The following FGD3 variants were observed in gnomAD, a reference collection of about 807,000 sequenced individuals.
FGD3 encodes FYVE, RhoGEF and PH domain containing 3.
FGD3 carries 45 observed loss-of-function variants against 71.8 expected under a neutral mutation model. That is an observed-to-expected ratio of 0.63 (90% CI 0.49 to 0.80). FGD3 has a LOEUF of 0.80. FGD3 is among the 30% of genes least tolerant of loss of function. The pLI is 0.00. For synonymous variants in FGD3, 378 were observed against 392.8 expected (o/e 0.96, Z 0.44); for missense variants, 844 against 951.5 (o/e 0.89, Z 1.49).
rs373857408 is a variant in FGD3, at chr9:93,035,463, C to G, written c.2052C>G (p.Ser684Arg). 6.2e-7 allele frequency: 1 copy of G among 1,613,368 alleles called. No homozygotes were observed. The change falls in exon 18 of 18, where the codon AGC (serine) becomes AGG (arginine). Residue 684 changes from serine (S) to arginine (R), a missense_variant. Coordinates refer to ENST00000375482, the MANE Select transcript of FGD3 (RefSeq NM_001083536.2). ...GGGCCAAGCAGTCCTGGTACCTGAG[C>G]GCCTCCTCCGCAGAGCTGCAGCAGC... is the stretch of plus-strand genomic sequence containing the variant. ...LQWAKQSWYL[S>R]ASSAELQQQW...
chr9:93,020,294 C>T (rs1222236907), intron 12 of FGD3, 23 bp from the exon 13 acceptor site: 17 of 1,598,642 alleles, frequency 1.1e-5, no homozygotes, highest in Admixed American at 5.2e-5. Flanking sequence ...TTATAGTCCT[C>T]ACTGTTGTGT....
chr9:92,948,480 A>C (rs1267672225), intron 1 of FGD3, among the ~76,000 whole-genome samples: 1 of 152,158 alleles, frequency 6.6e-6, no homozygotes, highest in East Asian at 1.9e-4. Flanking sequence ...CTTTGACTGC[A>C]TGTTTCCTAT....
chr9:93,015,343 C>A (rs963708770), intron 9 of FGD3, among the ~76,000 whole-genome samples: 1 of 152,146 alleles, frequency 6.6e-6, no homozygotes, highest in Non-Finnish European at 1.5e-5. Context: ...GTAATTCCAG[C>A]TACTCGGGAG....
chr9:92,962,076 G>T (rs529717997), intron 1 of FGD3, among the ~76,000 whole-genome samples: 1 of 152,280 alleles, frequency 6.6e-6, no homozygotes, highest in East Asian at 1.9e-4. Flanking sequence ...GTTTCTTTTT[G>T]AATGATGTCA....
intron 14 of FGD3, among the ~76,000 whole-genome samples, chr9:93,025,786 A>G (rs1448380040): frequency 2.6e-5 from 4 of 152,202 alleles, no homozygotes; most frequent in African/African-American, 7.2e-5. Context: ...CAGACCCACC[A>G]TGGGTGACAC....
intron 3 of FGD3, among the ~76,000 whole-genome samples, chr9:92,977,899 T>G (rs1859827066): frequency 6.6e-6 from 1 of 152,038 alleles, no homozygotes; most frequent in Admixed American, 6.6e-5. Flanking sequence ...AAAATAGAGA[T>G]CAGAAGACTG....
At chr9:92,983,904 C>A (rs1050683809) in intron 3 of FGD3, among the ~76,000 whole-genome samples, 2 of 151,826 alleles carry the variant, frequency 1.3e-5, no homozygotes, top group African/African-American at 4.8e-5. Context: ...AAAGCACATT[C>A]TGCTTTCCCT....
chr9:92,989,922 T>G (rs1259477830), intron 3 of FGD3, among the ~76,000 whole-genome samples: 144 of 145,966 alleles, frequency 9.9e-4, no homozygotes, highest in African/African-American at 3.3e-3. Flanking sequence ...TGTAGAGGTT[T>G]TTTTTTTTTT....
chr9:93,022,308 G>A lies in FGD3; in HGVS notation c.1495-19G>A, dbSNP rs1208840476. On this transcript the variant is annotated intron_variant, in intron 13 of 17. Transcript: ENST00000375482. Reference sequence around the variant, plus strand: ...TGGCCCTGGAATCTCCTCTCACTCGGCCTCTGTGTCCCTTCTAGATCACGA... The same window carrying A: ...TGGCCCTGGAATCTCCTCTCACTCGACCTCTGTGTCCCTTCTAGATCACGA... 8 of 1,606,630 alleles carry A rather than the reference G, an allele frequency of 5.0e-6. No individual in the cohort carries two copies. The highest frequency in any genetic ancestry group is 6.8e-6 in the Non-Finnish European group (8 of 1,175,586).
At chr9:93,009,229 C>T (rs1368629046) in intron 6 of FGD3, among the ~76,000 whole-genome samples, 2 of 151,542 alleles carry the variant, frequency 1.3e-5, no homozygotes, top group Non-Finnish European at 2.9e-5. Flanking sequence ...CGCCATTGCA[C>T]TCCAGCCCAG....
intron 17 of FGD3, 36 bp from the exon 18 acceptor site, chr9:93,035,302 C>T: frequency 6.3e-7 from 1 of 1,591,958 alleles, no homozygotes; most frequent in Non-Finnish European, 8.6e-7. Flanking sequence ...GGCCGGGAAG[C>T]TGTGGCCCCG....
At chr9:92,980,157 A>G (rs1351603642) in intron 3 of FGD3, among the ~76,000 whole-genome samples, 1 of 152,022 alleles carries the variant, frequency 6.6e-6, no homozygotes, top group Non-Finnish European at 1.5e-5. Context: ...AGTAGCTGAG[A>G]CTACAGGCGT....
chr9:92,952,804 T>G (rs537924687), intron 1 of FGD3, among the ~76,000 whole-genome samples: 1 of 152,210 alleles, frequency 6.6e-6, no homozygotes, highest in South Asian at 2.1e-4. Context: ...AGTGCTGCTG[T>G]GATCACCCTT....
intron 3 of FGD3, among the ~76,000 whole-genome samples, chr9:92,988,125 T>C (rs1483294679): frequency 6.6e-6 from 1 of 152,122 alleles, no homozygotes; most frequent in Admixed American, 6.5e-5. Flanking sequence ...GGCGGATTTA[T>C]TAGACAAAAA....
intron 5 of FGD3, among the ~76,000 whole-genome samples, 188 bp downstream of exon 5, chr9:93,004,325 CG>C (rs1185920721): frequency 6.6e-6 from 1 of 152,180 alleles, no homozygotes; most frequent in African/African-American, 2.4e-5. Flanking sequence ...CAGCCACTTA[CG>C]GTCTCCAAGG....
At chr9:92,953,435 A>C (rs6479442) in intron 1 of FGD3, among the ~76,000 whole-genome samples, 84,045 of 152,054 alleles carry the variant, frequency 0.55, 23,746 homozygotes, top group African/African-American at 0.65. Context: ...TTGCCTCTCC[A>C]CTTTGGCCAA....
chr9:92,965,690 A>G (rs1859298217), intron 1 of FGD3, among the ~76,000 whole-genome samples: 1 of 152,196 alleles, frequency 6.6e-6, no homozygotes, highest in South Asian at 2.1e-4. Context: ...GAGAAGCCTC[A>G]CCACTGTCCG....
In FGD3 at chr9:93,013,837, C is replaced by G; in HGVS notation, c.1036-15C>G. On this transcript the variant is annotated splice_polypyrimidine_tract_variant and intron_variant, in intron 8 of 17. Coordinates refer to ENST00000375482, the MANE Select transcript of FGD3 (RefSeq NM_001083536.2). The stretch of plus-strand genomic sequence containing the variant: ...CTCACAGACCTTTGGTGCCTGAGTC[C>G]CATGTCTCTTGCAGGAGAAAATGCA... 1 of 1,612,106 alleles carries G rather than the reference C, an allele frequency of 6.2e-7. No homozygotes were observed. The highest frequency in any genetic ancestry group is 8.5e-7 in the Non-Finnish European group (1 of 1,179,256).
rs374597995 is a variant in FGD3 at position 92,976,532 on chromosome 9, C to T, written c.276C>T (p.Cys92=). Reference sequence around the variant, plus strand: ...GTGTGGCTGGAGAGAACTTTCCCTGCGAGGAGGGCTTGGAGGCTGGCCCAA... The same window carrying T: ...GTGTGGCTGGAGAGAACTTTCCCTGTGAGGAGGGCTTGGAGGCTGGCCCAA... The part of the protein sequence containing the change: ...SSSVAGENFP[C]EEGLEAGPSP... The change falls in exon 3 of 18, where the codon TGC becomes TGT. Residue 92 remains cysteine, a synonymous_variant. Transcript: ENST00000375482. 4.3e-5 allele frequency: 70 copies of T among 1,612,368 alleles called. No homozygotes were observed. Among genetic ancestry groups the T allele is most frequent in the Non-Finnish European group, 5.0e-5 (59 of 1,179,766 alleles).
Sources: allele counts gnomAD v4.1 joint callset (sites outside exome capture counted in the v4.1 genomes callset), GRCh38; gene constraint gnomAD v4.1.1; transcripts MANE v1.5; gene names NCBI Gene and HGNC (gene_info 2026-07-23, HGNC 2026-07-21).